The following SEMA3C variants were observed in gnomAD, a reference collection of about 807,000 sequenced individuals.
SEMA3C encodes semaphorin-3C.
SEMA3C carries 47 observed loss-of-function variants against 89.4 expected under a neutral mutation model. That is an observed-to-expected ratio of 0.53 (90% CI 0.42 to 0.67). SEMA3C has a LOEUF of 0.67. SEMA3C is among the 30% of genes least tolerant of loss of function. SEMA3C has a pLI of 0.00. For missense variants in SEMA3C, 839 were observed against 929.1 expected (o/e 0.90, Z 1.26); for synonymous variants, 310 against 320.2 (o/e 0.97, Z 0.34).
chr7:80,826,710 A>G (rs1789880757), intron 4 of SEMA3C, among the ~76,000 whole-genome samples: 1 of 152,172 alleles, frequency 6.6e-6, no homozygotes, highest in Non-Finnish European at 1.5e-5. Context: ...ATTTGAGGCA[A>G]AATGGTGAGA....
chr7:80,840,973 G>C (rs955455367), intron 2 of SEMA3C, among the ~76,000 whole-genome samples: 1 of 152,084 alleles, frequency 6.6e-6, no homozygotes, highest in Admixed American at 6.6e-5. Context: ...AAAAGTTTGC[G>C]TAGAAACCCT....
intron 5 of SEMA3C, among the ~76,000 whole-genome samples, chr7:80,812,715 T>A (rs1789497065): frequency 6.6e-6 from 1 of 152,130 alleles, no homozygotes; most frequent in Non-Finnish European, 1.5e-5. Flanking sequence ...TCCTGAGAAA[T>A]CTTCTCTGTT....
intron 11 of SEMA3C, chr7:80,793,394 G>A (rs887082264): frequency 1.8e-5 from 7 of 385,292 alleles, no homozygotes; most frequent in East Asian, 7.7e-5. Flanking sequence ...GTTAATATAC[G>A]TATCCATTAC....
At chr7:80,880,363 T>C (rs555500972) in intron 2 of SEMA3C, among the ~76,000 whole-genome samples, 5 of 152,338 alleles carry the variant, frequency 3.3e-5, no homozygotes, top group African/African-American at 1.2e-4. Context: ...AGATTCACTA[T>C]AGTACAAGTA....
chr7:80,793,764 G>A (rs1362126714), intron 11 of SEMA3C, among the ~76,000 whole-genome samples: 1 of 151,656 alleles, frequency 6.6e-6, no homozygotes, highest in Non-Finnish European at 1.5e-5. Context: ...AGCCCAAAGT[G>A]AAGGAAGGAG....
chr7:80,749,659 C>T (rs1475662230), intron 16 of SEMA3C, among the ~76,000 whole-genome samples: 3 of 152,132 alleles, frequency 2.0e-5, no homozygotes, highest in Non-Finnish European at 4.4e-5. Context: ...TTTTACTCTT[C>T]TCTAAAACAT....
At chr7:80,794,718 T>C (rs568930086) in intron 11 of SEMA3C, among the ~76,000 whole-genome samples, 1 of 152,280 alleles carries the variant, frequency 6.6e-6, no homozygotes, top group East Asian at 1.9e-4. Context: ...ATACAAACAA[T>C]CTCCTGCAGA....
chr7:80,908,757 T>C (rs565062338), intron 2 of SEMA3C, among the ~76,000 whole-genome samples: 3 of 152,238 alleles, frequency 2.0e-5, no homozygotes, highest in African/African-American at 7.2e-5. Context: ...AGGGCTCAAA[T>C]TCACAAGTCA....
intron 8 of SEMA3C, 70 bp downstream of exon 8, chr7:80,804,036 A>G: frequency 7.3e-7 from 1 of 1,376,206 alleles, no homozygotes; most frequent in Non-Finnish European, 9.7e-7. Flanking sequence ...GTTGATAATA[A>G]AAGCACGGAG....
Position 80,745,257 on chromosome 7 carries a change from G to A in SEMA3C, c.1893C>T (p.Arg631=). 1 of 1,613,942 alleles carries A rather than the reference G, an allele frequency of 6.2e-7. No individual in the cohort carries two copies. Among genetic ancestry groups the A allele is most frequent in the Non-Finnish European group, 8.5e-7 (1 of 1,179,904 alleles). ...GTCCTTGGTCAGAACCCTGAACAGA[G>A]CGGATCAGGAGTCCCTGTGAAGTGG... ...IIATSQGLLI[R]SVQGSDQGLY... is the part of the protein sequence containing the mutation. Residue 631 remains arginine (R), a synonymous_variant, in exon 18 of 18, where the codon CGC becomes CGT. Transcript: ENST00000265361.
intron 2 of SEMA3C, among the ~76,000 whole-genome samples, chr7:80,835,658 C>T (rs1001026250): frequency 6.6e-6 from 1 of 152,064 alleles, no homozygotes; most frequent in Non-Finnish European, 1.5e-5. Flanking sequence ...CTAATGTGAA[C>T]AAAGACAATA....
chr7:80,827,186 T>C (rs1789890816), intron 4 of SEMA3C, among the ~76,000 whole-genome samples: 1 of 151,980 alleles, frequency 6.6e-6, no homozygotes, highest in South Asian at 2.1e-4. Context: ...CATCATGAAA[T>C]GTATCTGAAT....
chr7:80,754,819 C>T (rs1583845629), intron 15 of SEMA3C, among the ~76,000 whole-genome samples: 2 of 151,948 alleles, frequency 1.3e-5, no homozygotes, highest in African/African-American at 2.4e-5. Flanking sequence ...ACTCTGTCTC[C>T]CAGGCTAGAG....
intron 2 of SEMA3C, among the ~76,000 whole-genome samples, chr7:80,900,486 AATG>A (rs1791852510): frequency 6.6e-6 from 1 of 152,182 alleles, no homozygotes; most frequent in African/African-American, 2.4e-5. Context: ...TAATATTCAC[AATG>A]ATATTATCAG....
rs397970593 is a variant in SEMA3C at position 80,856,536 on chromosome 7, G to GAA, written c.104-27793_104-27792dup. Among the ~76,000 whole-genome samples, 191 of 49,140 alleles carry GAA rather than the reference G, an allele frequency of 3.9e-3. 2 individuals carry two copies. The highest frequency in any genetic ancestry group is 0.022 in the East Asian group (39 of 1,750). The allele number at this position is 49,140 out of a possible 152,430, so 32.2% of individuals were successfully genotyped here. A position where few individuals can be genotyped will look rare whatever the true frequency, so the allele number is the denominator to read the frequency against. ...TGTACACAATTCTGCATTGGTTAAG[G>GAA]AAAAAAAAAAAAAAAAAAAAACTAG... On this transcript the variant is annotated intron_variant, in intron 2 of 17. Transcript: ENST00000265361.
chr7:80,800,780 C>T lies in SEMA3C; in HGVS notation c.963G>A (p.Val321=). 1 of 1,532,300 alleles carries T rather than the reference C, an allele frequency of 6.5e-7. No homozygotes were observed. The highest frequency in any genetic ancestry group is 1.3e-5 in the South Asian group (1 of 79,650). 94.9% of individuals were successfully genotyped at this position (1,532,300 alleles called of 1,614,324 possible). A position where few individuals can be genotyped will look rare whatever the true frequency, so the allele number is the denominator to read the frequency against. ...LETDNPRTTL[V]YGIFTTSSSV... ...ACCTTGATGTTGTAAAAATGCCATACACTAGTGTTGTCCTCGGGTTATCAG... is the reference window on the plus strand; with the variant it reads ...ACCTTGATGTTGTAAAAATGCCATATACTAGTGTTGTCCTCGGGTTATCAG... Residue 321 remains valine, a synonymous_variant, in exon 10 of 18, where the codon GTG becomes GTA. Transcript: ENST00000265361.
chr7:80,905,110 GT>G (rs1328420514), intron 2 of SEMA3C, among the ~76,000 whole-genome samples: 1 of 149,328 alleles, frequency 6.7e-6, no homozygotes, highest in African/African-American at 2.5e-5. Flanking sequence ...AGGTAATGTT[GT>G]TTTGAACTCC....
rs1355082236 is a variant in SEMA3C at position 80,905,108 on chromosome 7, T to C, written c.103+11571A>G. ...AAGAAAGACATTTCTTGAGGTAATG[T>C]TGTTTTGAACTCCTGATATTTAAAA... On this transcript the variant is annotated intron_variant, in intron 2 of 17. Coordinates refer to ENST00000265361, the MANE Select transcript of SEMA3C (RefSeq NM_006379.5). Among the ~76,000 whole-genome samples, 4 of 150,390 alleles carry C rather than the reference T, an allele frequency of 2.7e-5. No homozygotes were observed. In the East Asian group the frequency reaches 7.8e-4, roughly 29 times the overall value.
intron 2 of SEMA3C, among the ~76,000 whole-genome samples, chr7:80,886,594 T>G (rs1791485504): frequency 6.6e-6 from 1 of 152,118 alleles, no homozygotes; most frequent in African/African-American, 2.4e-5. Flanking sequence ...CCTCATGATC[T>G]GCCTGCCTCA....
Sources: allele counts gnomAD v4.1 joint callset (sites outside exome capture counted in the v4.1 genomes callset), GRCh38; gene constraint gnomAD v4.1.1; transcripts MANE v1.5; gene names NCBI Gene and HGNC (gene_info 2026-07-23, HGNC 2026-07-21).